Variants in CRYBG3 observed in about 807,000 individuals in gnomAD.
CRYBG3 encodes the protein crystallin beta-gamma domain containing 3.
Under a neutral mutation model 244.2 loss-of-function variants are expected in CRYBG3, and 127 were observed. The observed-to-expected ratio is 0.52, with a 90% CI of 0.45 to 0.60. The LOEUF is 0.60. CRYBG3 is among the 20% of genes least tolerant of loss of function. The pLI is 0.00. For synonymous variants in CRYBG3, 1,132 were observed against 1,195.8 expected (o/e 0.95, Z 1.10); for missense variants, 3,325 against 3,442.5 (o/e 0.97, Z 0.85).
chr3:97,942,879 T>G (rs1039116700), intron 21 of CRYBG3: 8 of 248,362 alleles, frequency 3.2e-5, no homozygotes, highest in Non-Finnish European at 5.3e-5. Flanking sequence ...GGCTGTTGCT[T>G]TAATTGGGTT....
At chr3:97,889,240 G>T in intron 9 of CRYBG3, 115 bp from the exon 10 acceptor site, 1 of 820,492 alleles carries the variant, frequency 1.2e-6, no homozygotes. Context: ...TTTGACTGGT[G>T]TGTAATCTTC....
chr3:97,942,379 G>A lies in CRYBG3; in HGVS notation c.8760G>A (p.Trp2920Ter). Reference sequence around the variant, plus strand: ...AACATGGGCAATTCAGGCAGAAGTGGAGACTGAATAAAAATGGAACTATCA... The same window carrying A: ...AACATGGGCAATTCAGGCAGAAGTGAAGACTGAATAAAAATGGAACTATCA... Reference protein sequence around the residue: ...WTEHGQFRQKWRLNKNGTISS... With the variant: ...WTEHGQFRQK Residue 2920 changes from tryptophan to a stop codon, truncating the protein, a stop_gained, in exon 21 of 22, where the codon TGG becomes TGA. Transcript: ENST00000389622. LOFTEE classifies it high-confidence loss of function. 6.2e-7 allele frequency: 1 copy of A among 1,611,886 alleles called. No individual in the cohort carries two copies.
intron 6 of CRYBG3, 81 bp from the exon 7 acceptor site, chr3:97,880,991 T>C: frequency 8.7e-7 from 1 of 1,145,754 alleles, no homozygotes; most frequent in Non-Finnish European, 1.2e-6. Context: ...AAAATTTAAG[T>C]AGACAAAATG....
chr3:97,912,797 A>G (rs1015871410), intron 16 of CRYBG3, among the ~76,000 whole-genome samples: 12 of 152,114 alleles, frequency 7.9e-5, no homozygotes, highest in Non-Finnish European at 1.6e-4. Flanking sequence ...CAATGGCAAC[A>G]ATATACTGTA....
chr3:97,824,676 G>A (rs1396059102), intron 1 of CRYBG3, among the ~76,000 whole-genome samples: 2 of 152,172 alleles, frequency 1.3e-5, no homozygotes, highest in African/African-American at 4.8e-5. Context: ...AGGCCTATTA[G>A]CATCAACACT....
At position 97,896,071 on chromosome 3, in the gene CRYBG3, C is replaced by A; in HGVS notation, c.7687C>A (p.Arg2563=). 6.2e-7 allele frequency: 1 copy of A among 1,609,598 alleles called. No homozygotes were observed. Among genetic ancestry groups the A allele is most frequent in the Non-Finnish European group, 8.5e-7 (1 of 1,178,006 alleles). ...GALSSPILSF[R]YLQANFIESS... is the part of the protein sequence containing the mutation. ...ATTAAGTAGCCCTATCTTGTCTTTCCGGTACTTACAAGCTGTGAGTTAGCT... is the reference window on the plus strand; with the variant it reads ...ATTAAGTAGCCCTATCTTGTCTTTCAGGTACTTACAAGCTGTGAGTTAGCT... The change falls in exon 12 of 22, where the codon CGG becomes AGG. Residue 2563 remains arginine (R), a synonymous_variant. Coordinates refer to ENST00000389622, the MANE Select transcript of CRYBG3 (RefSeq NM_153605.4).
At chr3:97,878,509 C>T (rs890208158) in intron 4 of CRYBG3, among the ~76,000 whole-genome samples, 2 of 152,148 alleles carry the variant, frequency 1.3e-5, no homozygotes, top group Non-Finnish European at 2.9e-5. Context: ...TATATCATAA[C>T]TCATGTATTT....
At chr3:97,910,870 C>G (rs2039864092) in intron 15 of CRYBG3, among the ~76,000 whole-genome samples, 1 of 152,214 alleles carries the variant, frequency 6.6e-6, no homozygotes, top group African/African-American at 2.4e-5. Flanking sequence ...ACATTTTATA[C>G]ATCTTTAAGT....
In CRYBG3 at chr3:97,886,692, A is replaced by G. The variant is rs1354361763; in HGVS notation, c.7214A>G (p.Tyr2405Cys). Reference sequence around the variant, plus strand: ...TCTGACCCAGCCTGTTGTCCTGTCTACATACAGAGAGCAGTCCCCAATTTG... The same window carrying G: ...TCTGACCCAGCCTGTTGTCCTGTCTGCATACAGAGAGCAGTCCCCAATTTG... The part of the protein sequence containing the change: ...PQSDPACCPV[Y>C]IQRAVPNLEE... The change falls in exon 8 of 22, where the codon TAC (tyrosine) becomes TGC (cysteine). Residue 2405 changes from tyrosine (Y) to cysteine (C), a missense_variant. Transcript: ENST00000389622. The G allele has an allele frequency of 6.2e-7, 1 of 1,612,866 alleles. No individual in the cohort carries two copies. Among genetic ancestry groups the G allele is most frequent in the Admixed American group, 1.7e-5 (1 of 59,848 alleles).
Position 97,873,305 on chromosome 3 carries a change from A to C in CRYBG3, c.2111A>C (p.Asn704Thr), listed in dbSNP as rs1413686894. 1 of 1,535,662 alleles carries C rather than the reference A, an allele frequency of 6.5e-7. No individual in the cohort carries two copies. The highest frequency in any genetic ancestry group is 8.7e-7 in the Non-Finnish European group (1 of 1,146,770). ...SYQPRKCKEE[N>T]VKNHVEAAGR... ...CAGCCTAGGAAGTGTAAAGAAGAAA[A>C]TGTGAAAAACCATGTTGAGGCTGCA... The change falls in exon 4 of 22, where the codon AAT becomes ACT. Residue 704 changes from asparagine (N) to threonine (T), a missense_variant. Physicochemically the swap from Asn to Thr is moderately conservative, Grantham distance 65 (BLOSUM62 0). Transcript: ENST00000389622.
At chr3:97,915,810 G>A in intron 17 of CRYBG3, 74 bp downstream of exon 17, 1 of 1,137,676 alleles carries the variant, frequency 8.8e-7, no homozygotes, top group Non-Finnish European at 1.2e-6. Flanking sequence ...ATGATAATGT[G>A]AAGTTGGAAG....
intron 5 of CRYBG3, 95 bp downstream of exon 5, chr3:97,879,843 A>T (rs561754046): frequency 9.5e-5 from 93 of 980,430 alleles, no homozygotes; most frequent in Non-Finnish European, 1.4e-4. Flanking sequence ...TAATGATTTT[A>T]TTCAAGGATT....
At chr3:97,861,024 A>G (rs997052509) in intron 2 of CRYBG3, among the ~76,000 whole-genome samples, 8 of 151,596 alleles carry the variant, frequency 5.3e-5, no homozygotes, top group African/African-American at 1.9e-4. Flanking sequence ...CTCCCTTTCT[A>G]TTCTCCATGT....
At chr3:97,840,119 G>A (rs1448123691) in intron 1 of CRYBG3, among the ~76,000 whole-genome samples, 2 of 151,968 alleles carry the variant, frequency 1.3e-5, no homozygotes, top group African/African-American at 4.8e-5. Flanking sequence ...AGGATTTAGA[G>A]TTGATTAGGG....
chr3:97,877,248 A>G lies in CRYBG3; in HGVS notation c.6054A>G (p.Ala2018=). The G allele has an allele frequency of 4.3e-6, 7 of 1,613,964 alleles. No individual in the cohort carries two copies. The highest frequency in any genetic ancestry group is 5.9e-6 in the Non-Finnish European group (7 of 1,179,856). The stretch of plus-strand genomic sequence containing the variant: ...AGGACAAGTATGCTTCCGCAGAAGC[A>G]AGACAAACACAGTCTGTCTTGTTTC... ...QEEDKYASAE[A]RQTQSVLFHD... The change falls in exon 4 of 22, where the codon GCA becomes GCG. Residue 2018 remains alanine, a synonymous_variant. Coordinates refer to ENST00000389622, the MANE Select transcript of CRYBG3 (RefSeq NM_153605.4).
rs1421100387 is a variant in CRYBG3 at position 97,876,050 on chromosome 3, A to G, written c.4856A>G (p.Glu1619Gly). Residue 1619 changes from glutamate to glycine, a missense_variant, in exon 4 of 22, where the codon GAA becomes GGA. Glu to Gly is a moderately conservative substitution (Grantham distance 98, BLOSUM62 -2). Coordinates refer to ENST00000389622, the MANE Select transcript of CRYBG3 (RefSeq NM_153605.4). ...TEGSAVILGM[E>G]KAYKMKDTEG... The stretch of plus-strand genomic sequence containing the variant: ...GGATCAGCTGTCATTTTAGGAATGG[A>G]AAAAGCTTATAAGATGAAGGATACT... 8.1e-7 allele frequency: 1 copy of G among 1,231,986 alleles called. No homozygotes were observed. Among genetic ancestry groups the G allele is most frequent in the Admixed American group, 4.2e-5 (1 of 23,696 alleles). The allele number at this position is 1,231,986 out of a possible 1,614,324, so 76.3% of individuals were successfully genotyped here.
chr3:97,930,519 C>A (rs1225680015), intron 17 of CRYBG3, among the ~76,000 whole-genome samples: 1 of 151,908 alleles, frequency 6.6e-6, no homozygotes, highest in East Asian at 1.9e-4. Context: ...AGTTTTTATT[C>A]CTGGTGCAGT....
At chr3:97,836,172 GTC>G (rs1477130687) in intron 1 of CRYBG3, among the ~76,000 whole-genome samples, 3 of 152,070 alleles carry the variant, frequency 2.0e-5, no homozygotes, top group African/African-American at 7.2e-5. Flanking sequence ...AGTGTCAGAA[GTC>G]TCAGACTGTG....
intron 16 of CRYBG3, among the ~76,000 whole-genome samples, chr3:97,915,255 A>C (rs563224549): frequency 1.3e-5 from 2 of 152,290 alleles, no homozygotes; most frequent in African/African-American, 4.8e-5. Context: ...ACATTGTCTT[A>C]TTTCAAATTT....
Sources: gnomAD v4.1 joint callset for allele counts (sites outside exome capture counted in the v4.1 genomes callset) on GRCh38, gnomAD v4.1.1 for gene constraint, MANE v1.5 for transcripts, NCBI Gene and HGNC (gene_info 2026-07-23, HGNC 2026-07-21) for gene names.